The following PKHD1 variants were observed in gnomAD, a reference collection of about 807,000 sequenced individuals.
The protein encoded by PKHD1 is fibrocystin.
PKHD1 carries 291 observed loss-of-function variants against 412.0 expected under a neutral mutation model. The ratio of observed to expected loss-of-function variants is 0.71; its 90% CI spans 0.64 to 0.78. The LOEUF is 0.78. Among genes scored for constraint, PKHD1 ranks in the 30% least tolerant of loss-of-function variants. PKHD1 has a pLI of 0.00. For synonymous variants in PKHD1, 1,777 were observed against 1,821.5 expected (o/e 0.98, Z 0.62); for missense variants, 4,825 against 4,950.7 (o/e 0.97, Z 0.76).
chr6:51,644,915 T>G (rs1430511628), intron 63 of PKHD1, among the ~76,000 whole-genome samples: 2 of 152,168 alleles, frequency 1.3e-5, no homozygotes, highest in Admixed American at 1.3e-4. Context: ...CTTGACCTTG[T>G]GATCTGCCCG....
intron 66 of PKHD1, among the ~76,000 whole-genome samples, chr6:51,625,322 A>C (rs574850435): frequency 4.9e-4 from 74 of 152,234 alleles, no homozygotes; most frequent in Non-Finnish European, 8.2e-4. Context: ...ATAGAATGAA[A>C]CAAAATTTAT....
intron 52 of PKHD1, among the ~76,000 whole-genome samples, chr6:51,829,907 A>AACAAGTGAC (rs1767955764): frequency 6.6e-6 from 1 of 152,180 alleles, no homozygotes; most frequent in Admixed American, 6.6e-5. Flanking sequence ...TGGGACCCTG[A>AACAAGTGAC]ACAAGTGACT....
At chr6:51,792,273 A>G (rs1793878093) in intron 52 of PKHD1, among the ~76,000 whole-genome samples, 1 of 152,254 alleles carries the variant, frequency 6.6e-6, no homozygotes, top group Admixed American at 6.5e-5. Flanking sequence ...GCAGTAATTC[A>G]ACACTATAAA....
chr6:51,831,141 A>C (rs1185362869), intron 51 of PKHD1, 152 bp from the exon 52 acceptor site: 1 of 653,268 alleles, frequency 1.5e-6, no homozygotes, highest in Non-Finnish European at 2.7e-6. Flanking sequence ...ATCAGTTAAA[A>C]AGCAAGTAAT....
Position 52,053,150 on chromosome 6 carries a change from T to G in PKHD1, c.2066A>C (p.Asn689Thr). The G allele has an allele frequency of 2.5e-6, 4 of 1,614,108 alleles. No individual in the cohort carries two copies. The highest frequency in any genetic ancestry group is 3.4e-6 in the Non-Finnish European group (4 of 1,179,986). Residue 689 changes from asparagine to threonine, a missense_variant, in exon 21 of 67, where the codon AAC becomes ACC. Asn to Thr is a moderately conservative substitution (Grantham distance 65). Transcript: ENST00000371117. The part of the protein sequence containing the change: ...ANSPVLVHQI[N>T]LLPLAQETGL... ...CGTCTCCTGGGCCAGAGGGAGAAGGTTGATCTGATGAACCAGCACTGGGGA... is the reference window on the plus strand; with the variant it reads ...CGTCTCCTGGGCCAGAGGGAGAAGGGTGATCTGATGAACCAGCACTGGGGA...
intron 36 of PKHD1, among the ~76,000 whole-genome samples, chr6:51,940,715 C>G (rs1788365885): frequency 6.6e-6 from 1 of 151,606 alleles, no homozygotes; most frequent in Admixed American, 6.6e-5. Context: ...CTGGGTAACT[C>G]TCACAGTGGA....
intron 60 of PKHD1, among the ~76,000 whole-genome samples, chr6:51,668,337 T>C (rs907098730): frequency 3.3e-4 from 50 of 152,048 alleles, no homozygotes; most frequent in African/African-American, 5.8e-4. Context: ...CATGATTTGT[T>C]TCTCTGTTTG....
intron 60 of PKHD1, among the ~76,000 whole-genome samples, chr6:51,679,035 A>C (rs893851805): frequency 6.6e-6 from 1 of 152,090 alleles, no homozygotes; most frequent in Non-Finnish European, 1.5e-5. Context: ...ACTAAAATGA[A>C]TGTGACTGTG....
intron 52 of PKHD1, among the ~76,000 whole-genome samples, chr6:51,814,230 T>C (rs144080243): frequency 1.6e-4 from 25 of 152,304 alleles, no homozygotes; most frequent in African/African-American, 6.0e-4. Flanking sequence ...ACTTGCAAGA[T>C]ATCATTAAAT....
chr6:51,686,591 A>G lies in PKHD1; in HGVS notation c.10157-26622T>C, dbSNP rs572451734. Among the ~76,000 whole-genome samples, 34 of 152,238 alleles carry G rather than the reference A, an allele frequency of 2.2e-4. No individual in the cohort carries two copies. The South Asian group carries it at 7.1e-3, about 32-fold the overall frequency. ...TTTTCTTTTGTCTATAGCACTTATAACTTTATAATCTACTAGAGAATTTAC... is the reference window on the plus strand; with the variant it reads ...TTTTCTTTTGTCTATAGCACTTATAGCTTTATAATCTACTAGAGAATTTAC... On this transcript the variant is annotated intron_variant, in intron 60 of 66. Transcript: ENST00000371117.
At chr6:52,003,364 T>C (rs924856183) in intron 35 of PKHD1, among the ~76,000 whole-genome samples, 7 of 152,128 alleles carry the variant, frequency 4.6e-5, no homozygotes, top group African/African-American at 1.7e-4. Context: ...TTAATCAAAG[T>C]ACCTTTAACT....
intron 60 of PKHD1, among the ~76,000 whole-genome samples, chr6:51,681,411 T>TTA (rs1274919549): frequency 6.6e-6 from 1 of 152,022 alleles, no homozygotes; most frequent in Admixed American, 6.6e-5. Context: ...GCCCCTTAAC[T>TTA]AGCAAATAAA....
intron 36 of PKHD1, among the ~76,000 whole-genome samples, chr6:51,941,750 C>T (rs1308310746): frequency 6.6e-6 from 1 of 151,474 alleles, no homozygotes; most frequent in African/African-American, 2.4e-5. Flanking sequence ...TTATTCTGTT[C>T]TGGATCTCAA....
intron 46 of PKHD1, among the ~76,000 whole-genome samples, chr6:51,872,133 C>A (rs1363342552): frequency 1.3e-5 from 2 of 151,808 alleles, no homozygotes; most frequent in East Asian, 3.9e-4. Flanking sequence ...CCAGGAGGCC[C>A]AATATTTAAA....
Position 51,885,959 on chromosome 6 carries a change from C to T in PKHD1, c.7123G>A (p.Val2375Ile). ...AHSCTRYGLF[V>I]YPKFQPPWDN... The stretch of plus-strand genomic sequence containing the variant: ...CAAGGTGGCTGAAATTTAGGGTATA[C>T]AAAGAGACCATACCTAAAAAGTGAA... The change falls in exon 45 of 67, where the codon GTA (valine) becomes ATA (isoleucine). Residue 2375 changes from valine to isoleucine, a missense_variant. Val to Ile is a conservative substitution (Grantham distance 29, BLOSUM62 3). Coordinates refer to ENST00000371117, the MANE Select transcript of PKHD1 (RefSeq NM_138694.4). The T allele has an allele frequency of 6.3e-7, 1 of 1,590,496 alleles. No individual in the cohort carries two copies. Among genetic ancestry groups the T allele is most frequent in the Non-Finnish European group, 8.6e-7 (1 of 1,158,612 alleles).
intron 35 of PKHD1, among the ~76,000 whole-genome samples, chr6:52,006,792 C>T (rs2499487): frequency 1.3e-5 from 2 of 151,974 alleles, no homozygotes; most frequent in African/African-American, 4.8e-5. Context: ...CATCCATCAC[C>T]GGAGCAGTAT....
At chr6:51,623,161 A>C (rs1293965367) in intron 66 of PKHD1, among the ~76,000 whole-genome samples, 1 of 152,190 alleles carries the variant, frequency 6.6e-6, no homozygotes, top group Non-Finnish European at 1.5e-5. Flanking sequence ...TATGCTATTC[A>C]ACATTGCAAA....
intron 58 of PKHD1, 45 bp from the exon 59 acceptor site, chr6:51,746,934 C>A: frequency 4.4e-6 from 5 of 1,131,924 alleles, no homozygotes; most frequent in Non-Finnish European, 6.5e-6. Flanking sequence ...TCATATAAAC[C>A]ACCAGCCACA....
rs1447779594 is a variant in PKHD1 at position 51,856,009 on chromosome 6, T to G, written c.7795A>C (p.Thr2599Pro). The G allele has an allele frequency of 6.2e-7, 1 of 1,606,752 alleles. No homozygotes were observed. The highest frequency in any genetic ancestry group is 1.3e-5 in the African/African-American group (1 of 74,752). The change falls in exon 49 of 67, where the codon ACT becomes CCT. Residue 2599 changes from threonine (T) to proline (P), a missense_variant. Coordinates refer to ENST00000371117, the MANE Select transcript of PKHD1 (RefSeq NM_138694.4). ...AATGTATCACGTACATAATTGACAGTGGTTGTTTTATTTCTGCTGTCAGTC... is the reference window on the plus strand; with the variant it reads ...AATGTATCACGTACATAATTGACAGGGGTTGTTTTATTTCTGCTGTCAGTC... ...TMTDSRNKTT[T>P]VNYVRDTLSN...
Sources: allele counts gnomAD v4.1 joint callset (sites outside exome capture counted in the v4.1 genomes callset), GRCh38; gene constraint gnomAD v4.1.1; transcripts MANE v1.5; gene names NCBI Gene and HGNC (gene_info 2026-07-23, HGNC 2026-07-21).